The following RAD51B variants were observed in gnomAD, a reference collection of about 807,000 sequenced individuals.
RAD51B encodes RAD51 paralog B.
In RAD51B, 38 loss-of-function variants were observed where a neutral mutation model predicts 42.2. The ratio of observed to expected loss-of-function variants is 0.90; its 90% confidence interval spans 0.70 to 1.18. RAD51B has a LOEUF of 1.18. Ranked by LOEUF, RAD51B falls within the 50% of genes most tolerant of loss-of-function variation. The pLI, the probability that RAD51B is intolerant of heterozygous loss-of-function variation, is 0.00. For missense variants in RAD51B, 373 were observed against 400.7 expected (o/e 0.93, Z 0.59); for synonymous variants, 154 against 145.2 (o/e 1.06, Z -0.43).
intron 8 of RAD51B, among the ~76,000 whole-genome samples, chr14:68,389,935 A>G (rs894613079): frequency 6.6e-6 from 1 of 152,198 alleles, no homozygotes; most frequent in African/African-American, 2.4e-5. Context: ...AAACCTAGGT[A>G]TTCTGCGAAT....
At chr14:68,573,971 A>AG (rs1402864924) in intron 10 of RAD51B, among the ~76,000 whole-genome samples, 8 of 81,354 alleles carry the variant, frequency 9.8e-5, no homozygotes, top group Non-Finnish European at 1.7e-4. Context: ...TGTGGGTGTC[A>AG]GTGTGTGTAT....
intron 7 of RAD51B, among the ~76,000 whole-genome samples, chr14:68,120,720 T>C (rs1196098807): frequency 6.6e-6 from 1 of 152,094 alleles, no homozygotes; most frequent in Non-Finnish European, 1.5e-5. Context: ...CCTCATTTAA[T>C]CTCTTGTCCT....
At chr14:68,437,358 T>C (rs955260236) in intron 9 of RAD51B, among the ~76,000 whole-genome samples, 1 of 152,226 alleles carries the variant, frequency 6.6e-6, no homozygotes, top group African/African-American at 2.4e-5. Flanking sequence ...GAAATGAAGC[T>C]TACTTGATCG....
In RAD51B at chr14:68,291,905, A is replaced by G. The variant is rs755116311; in HGVS notation, c.778A>G (p.Thr260Ala). Residue 260 changes from threonine (T) to alanine (A), a missense_variant, in exon 8 of 11, where the codon ACA (threonine) becomes GCA (alanine). Coordinates refer to ENST00000471583, the MANE Select transcript of RAD51B (RefSeq NM_133510.4). The stretch of plus-strand genomic sequence containing the variant: ...ACAGGTTATCTTGACGAATCAGATT[A>G]CAACCCATCTGAGTGGAGCCCTGGC... Reference protein sequence around the residue: ...SIPVILTNQITTHLSGALASQ... With the variant: ...SIPVILTNQIATHLSGALASQ... 1 of 1,613,560 alleles carries G rather than the reference A, an allele frequency of 6.2e-7. No homozygotes were observed. Among genetic ancestry groups the G allele is most frequent in the Non-Finnish European group, 8.5e-7 (1 of 1,179,550 alleles).
At chr14:67,943,620 G>C (rs2045281728) in intron 7 of RAD51B, among the ~76,000 whole-genome samples, 1 of 152,080 alleles carries the variant, frequency 6.6e-6, no homozygotes, top group African/African-American at 2.4e-5. Context: ...TATTTTAAAA[G>C]AACAGTGAAT....
intron 7 of RAD51B, among the ~76,000 whole-genome samples, chr14:68,163,883 G>A (rs942305989): frequency 6.6e-6 from 1 of 152,126 alleles, no homozygotes; most frequent in Non-Finnish European, 1.5e-5. Context: ...ACATTAGGAA[G>A]GACAGTAATA....
intron 7 of RAD51B, among the ~76,000 whole-genome samples, chr14:68,220,728 G>T (rs1464897194): frequency 6.6e-6 from 1 of 152,106 alleles, no homozygotes; most frequent in Non-Finnish European, 1.5e-5. Flanking sequence ...CATCCAAAAA[G>T]CTCTTAGAAC....
chr14:68,028,542 C>T (rs928872762), intron 7 of RAD51B, among the ~76,000 whole-genome samples: 2 of 152,208 alleles, frequency 1.3e-5, no homozygotes, highest in South Asian at 2.1e-4. Context: ...CCGAGCTGTC[C>T]ACCACAGCCC....
At chr14:68,437,000 C>G (rs982821172) in intron 9 of RAD51B, among the ~76,000 whole-genome samples, 1 of 151,944 alleles carries the variant, frequency 6.6e-6, no homozygotes, top group Non-Finnish European at 1.5e-5. Context: ...TACTTGGATC[C>G]CTATTATTTC....
At chr14:68,548,597 T>C (rs1276006599) in intron 10 of RAD51B, among the ~76,000 whole-genome samples, 1 of 152,210 alleles carries the variant, frequency 6.6e-6, no homozygotes, top group Non-Finnish European at 1.5e-5. Context: ...GAGTCCTGAC[T>C]TCTTGGGGTC....
chr14:68,621,718 A>C (rs115832898), intron 10 of RAD51B, among the ~76,000 whole-genome samples: 1,705 of 152,380 alleles, frequency 0.011, 25 homozygotes, highest in African/African-American at 0.038. Flanking sequence ...CCAAAGCAGA[A>C]AAAGTTGTCT....
intron 7 of RAD51B, among the ~76,000 whole-genome samples, chr14:67,955,714 T>G (rs1208480306): frequency 2.6e-5 from 4 of 152,228 alleles, no homozygotes; most frequent in Non-Finnish European, 5.9e-5. Flanking sequence ...TTAATTGTAT[T>G]TAATGAACTT....
chr14:68,116,642 A>G lies in RAD51B; in HGVS notation c.757-175242A>G, dbSNP rs76369406. On this transcript the variant is annotated intron_variant, in intron 7 of 10. Coordinates refer to ENST00000471583, the MANE Select transcript of RAD51B (RefSeq NM_133510.4). Reference sequence around the variant, plus strand: ...ACTGCTTTATTTTCTGTAAATTACTACATTTCTATAGTAATTTCGCAGTGT... The same window carrying G: ...ACTGCTTTATTTTCTGTAAATTACTGCATTTCTATAGTAATTTCGCAGTGT... Among the ~76,000 whole-genome samples the G allele has an allele frequency of 1.4e-3, 213 of 152,314 alleles. 3 individuals carry two copies. In the East Asian group the frequency reaches 0.036, roughly 26 times the overall value.
intron 7 of RAD51B, among the ~76,000 whole-genome samples, chr14:68,158,398 G>A (rs1301979977): frequency 6.6e-6 from 1 of 152,180 alleles, no homozygotes; most frequent in Non-Finnish European, 1.5e-5. Context: ...CCTATGAAAT[G>A]CCGAACTGTA....
intron 7 of RAD51B, among the ~76,000 whole-genome samples, chr14:68,079,383 A>G (rs1007178090): frequency 6.6e-6 from 1 of 152,328 alleles, no homozygotes; most frequent in Non-Finnish European, 1.5e-5. Flanking sequence ...ATTGATTTGC[A>G]TAATATTTTG....
chr14:68,540,223 G>A (rs1471696993), intron 10 of RAD51B: 7 of 900,898 alleles, frequency 7.8e-6, no homozygotes, highest in Non-Finnish European at 9.2e-6. Context: ...CAAATGATCT[G>A]CTCGAGGCAA....
intron 9 of RAD51B, among the ~76,000 whole-genome samples, chr14:68,433,767 C>T (rs1274989786): frequency 1.3e-5 from 2 of 152,356 alleles, no homozygotes; most frequent in South Asian, 2.1e-4. Flanking sequence ...ATTCTCCGTC[C>T]AGCTTTGTTC....
chr14:68,646,569 C>T (rs78756994), intron 10 of RAD51B, among the ~76,000 whole-genome samples: 1,546 of 152,256 alleles, frequency 0.01, 15 homozygotes, highest in African/African-American at 0.028. Flanking sequence ...GGCATTTGAT[C>T]GTCTTATGTG....
chr14:68,212,415 C>T (rs2079729832), intron 7 of RAD51B, among the ~76,000 whole-genome samples: 1 of 152,220 alleles, frequency 6.6e-6, no homozygotes. Context: ...TTACATAGAG[C>T]TGTTAGCAGC....
Sources: allele counts gnomAD v4.1 joint callset (sites outside exome capture counted in the v4.1 genomes callset), GRCh38; gene constraint gnomAD v4.1.1; transcripts MANE v1.5; gene names NCBI Gene and HGNC (gene_info 2026-07-23, HGNC 2026-07-21).